The following GNE variants were observed in gnomAD, a reference collection of about 807,000 sequenced individuals.
The protein encoded by GNE is bifunctional UDP-N-acetylglucosamine 2-epimerase/N-acetylmannosamine kinase.
A neutral mutation model predicts 61.8 loss-of-function variants in GNE; 41 were observed. The observed-to-expected ratio is 0.66, with a 90% confidence interval of 0.52 to 0.86. GNE has a LOEUF of 0.86. Ranked by LOEUF, GNE falls within the 40% of genes least tolerant of loss-of-function variation. GNE has a pLI of 0.00. For missense variants in GNE, 608 were observed against 909.1 expected (o/e 0.67, Z 4.26); for synonymous variants, 264 against 326.4 (o/e 0.81, Z 2.06).
At chr9:36,236,451 C>G (rs1167419721) in intron 4 of GNE, among the ~76,000 whole-genome samples, 1 of 152,134 alleles carries the variant, frequency 6.6e-6, no homozygotes, top group African/African-American at 2.4e-5. Flanking sequence ...CTGCCTGCCT[C>G]GGCCTCCCAA....
chr9:36,218,123 G>A lies in GNE; in HGVS notation c.1933+60C>T, dbSNP rs1240239230. 3 of 1,112,832 alleles carry A rather than the reference G, an allele frequency of 2.7e-6. No individual in the cohort carries two copies. The highest frequency in any genetic ancestry group is 4.2e-6 in the Non-Finnish European group (3 of 722,358). 68.9% of individuals were successfully genotyped at this position (1,112,832 alleles called of 1,614,324 possible). On this transcript the variant is annotated intron_variant, in intron 11 of 11. Transcript: ENST00000642385. The surrounding 1 kb of genome is among the most constrained non-coding windows in gnomAD (Gnocchi z 4.1). The stretch of plus-strand genomic sequence containing the variant: ...GCAGGGTCTCTTCTGGGGCCGGGCT[G>A]GGCCATATGATATCTGAGGCCACCC...
intron 9 of GNE, among the ~76,000 whole-genome samples, chr9:36,222,327 G>A (rs1828627789): frequency 6.7e-6 from 1 of 150,200 alleles, no homozygotes; most frequent in Admixed American, 6.7e-5. Flanking sequence ...GCTGAGGCAG[G>A]AGAATGGCGT....
intron 5 of GNE, among the ~76,000 whole-genome samples, chr9:36,232,066 C>G (rs531201340): frequency 3.9e-5 from 6 of 152,282 alleles, no homozygotes; most frequent in African/African-American, 1.4e-4. Context: ...TCTAGCTCTG[C>G]TCTTTCTCCA....
At chr9:36,254,128 C>G (rs1261565475) in intron 1 of GNE, among the ~76,000 whole-genome samples, 1 of 151,912 alleles carries the variant, frequency 6.6e-6, no homozygotes, top group African/African-American at 2.4e-5. Flanking sequence ...TCGCTTGAAC[C>G]CAGGAGGCAG....
Position 36,258,413 on chromosome 9 carries a change from GC to G in GNE, c.-136del. On this transcript the variant is annotated 5_prime_UTR_variant, in exon 1 of 12. Coordinates refer to ENST00000642385, the MANE Select transcript of GNE (RefSeq NM_005476.7). The stretch of plus-strand genomic sequence containing the variant: ...CACGAAGCAGGCAGAGCGCGAGCCT[GC>G]CCCTCGGTTTCCGCGCTCGGGCGCG... 1.0e-6 allele frequency: 1 copy of G among 985,500 alleles called. No homozygotes were observed. The highest frequency in any genetic ancestry group is 1.2e-6 in the Non-Finnish European group (1 of 829,974). The allele number at this position is 985,500 out of a possible 1,614,324, so 61.0% of individuals were successfully genotyped here. A position where few individuals can be genotyped will look rare whatever the true frequency, so the allele number is the denominator to read the frequency against.
At chr9:36,222,245 C>A (rs1412225886) in intron 9 of GNE, among the ~76,000 whole-genome samples, 1 of 151,720 alleles carries the variant, frequency 6.6e-6, no homozygotes, top group South Asian at 2.1e-4. Context: ...GGTGAAACCC[C>A]GTCTCTACTA....
intron 1 of GNE, among the ~76,000 whole-genome samples, chr9:36,258,059 C>T (rs1587366207): frequency 6.6e-6 from 1 of 152,126 alleles, no homozygotes; most frequent in East Asian, 1.9e-4. Flanking sequence ...ACAAGTCAAC[C>T]TGGGCCTCCC....
chr9:36,221,239 T>C (rs1828573020), intron 9 of GNE, among the ~76,000 whole-genome samples: 1 of 152,154 alleles, frequency 6.6e-6, no homozygotes, highest in Non-Finnish European at 1.5e-5. Context: ...GGGAATCACT[T>C]GAATCTGGGA....
chr9:36,268,747 C>T (rs1830902482), intron 1 of GNE, among the ~76,000 whole-genome samples: 2 of 152,128 alleles, frequency 1.3e-5, no homozygotes, highest in East Asian at 1.9e-4. Flanking sequence ...CACTGAATAT[C>T]AGTAACACGC....
At chr9:36,223,991 A>G (rs538800842) in intron 7 of GNE, among the ~76,000 whole-genome samples, 187 of 151,928 alleles carry the variant, frequency 1.2e-3, no homozygotes, top group African/African-American at 4.3e-3. Flanking sequence ...ACCTCAAGCA[A>G]TCCGCCTGCC....
intron 6 of GNE, among the ~76,000 whole-genome samples, chr9:36,228,163 T>G (rs2133045465): frequency 6.6e-6 from 1 of 151,902 alleles, no homozygotes; most frequent in East Asian, 1.9e-4. Flanking sequence ...CAATTAAAAG[T>G]TAAAAACTAT....
chr9:36,246,858 G>A (rs1829902277), intron 2 of GNE, among the ~76,000 whole-genome samples: 1 of 151,310 alleles, frequency 6.6e-6, no homozygotes, highest in Non-Finnish European at 1.5e-5. Flanking sequence ...TAGTACAGAT[G>A]GGGTTTTGCC....
At chr9:36,239,380 A>G (rs1049710544) in intron 3 of GNE, among the ~76,000 whole-genome samples, 1 of 151,994 alleles carries the variant, frequency 6.6e-6, no homozygotes, top group African/African-American at 2.4e-5. Context: ...TGTGTTTCGC[A>G]GTATCAGCTC....
In GNE at chr9:36,228,793, CA is replaced by C. The variant is rs71336431; in HGVS notation, c.1070+227del. Among the ~76,000 whole-genome samples, 10,775 of 72,518 alleles carry C rather than the reference CA, an allele frequency of 0.15. 493 individuals carry two copies. Among genetic ancestry groups the C allele is most frequent in the African/African-American group, 0.34 (6,802 of 20,082 alleles). The allele number at this position is 72,518 out of a possible 152,430, so 47.6% of individuals were successfully genotyped here. A position where few individuals can be genotyped will look rare whatever the true frequency, so the allele number is the denominator to read the frequency against. ...TGGGCAACAGATCAAGAGTCCATCT[CA>C]AAAAAAAAAAAAAAAAAAAGAAATA... On this transcript the variant is annotated intron_variant, in intron 6 of 11. Coordinates refer to ENST00000642385, the MANE Select transcript of GNE (RefSeq NM_005476.7).
rs140730412 is a variant in GNE, at chr9:36,229,150, G to C, written c.983-42C>G. The stretch of plus-strand genomic sequence containing the variant: ...ACACATTACAAGGATTTGGAAGTGG[G>C]AATATCCAAAGAATAAAGAAATTAT... On this transcript the variant is annotated intron_variant, in intron 5 of 11. Transcript: ENST00000642385. The C allele has an allele frequency of 2.8e-6, 3 of 1,058,430 alleles. No homozygotes were observed. The African/African-American group carries it at 4.7e-5, about 16-fold the overall frequency. 65.6% of individuals were successfully genotyped at this position (1,058,430 alleles called of 1,614,324 possible). A position where few individuals can be genotyped will look rare whatever the true frequency, so the allele number is the denominator to read the frequency against.
intron 6 of GNE, among the ~76,000 whole-genome samples, chr9:36,228,423 A>G (rs943273967): frequency 6.6e-6 from 1 of 152,326 alleles, no homozygotes. Context: ...AATCAGTTAC[A>G]TTATTTTCTA....
upstream of GNE, chr9:36,263,176 C>CT (rs11380173): frequency 0.44 from 64,509 of 145,448 alleles, 14,690 homozygotes; most frequent in Non-Finnish European, 0.53. Flanking sequence ...TCAGCCATCA[C>CT]TTTTTTTTTT....
intron 3 of GNE, among the ~76,000 whole-genome samples, chr9:36,244,712 C>T (rs1015259415): frequency 2.6e-5 from 4 of 151,124 alleles, no homozygotes; most frequent in African/African-American, 9.7e-5. Flanking sequence ...CCGAGGTGGG[C>T]GGATTATGAG....
upstream of GNE, chr9:36,258,471 C>G (rs1483581434): frequency 1.0e-6 from 1 of 985,562 alleles, no homozygotes; most frequent in Non-Finnish European, 1.2e-6. Context: ...GACCTTGTCC[C>G]CACTCCTCGC....
Sources: allele counts gnomAD v4.1 joint callset (sites outside exome capture counted in the v4.1 genomes callset), GRCh38; gene constraint gnomAD v4.1.1; non-coding constraint Gnocchi (gnomAD v3.1); transcripts MANE v1.5; gene names NCBI Gene and HGNC (gene_info 2026-07-23, HGNC 2026-07-21).